The following AGRP variants were observed in gnomAD, a reference collection of about 807,000 sequenced individuals.
AGRP encodes the protein agouti related neuropeptide.
AGRP carries 8 observed loss-of-function variants against 13.6 expected under a neutral mutation model. The ratio of observed to expected loss-of-function variants is 0.59; its 90% CI spans 0.35 to 1.06. AGRP has a LOEUF of 1.06. AGRP is among the 50% of genes least tolerant of loss of function. AGRP has a pLI of 0.02. For synonymous variants in AGRP, 63 were observed against 72.4 expected, an observed-to-expected ratio of 0.87 and a Z score of 0.66; for missense variants, 155 against 174.8, an observed-to-expected ratio of 0.89 and a Z score of 0.64.
In AGRP at chr16:67,483,005, C is replaced by T; in HGVS notation, c.216+20G>A. On this transcript the variant is annotated intron_variant, in intron 3 of 3. Coordinates refer to ENST00000290953, the MANE Select transcript of AGRP (RefSeq NM_001138.2). Reference sequence around the variant, plus strand: ...CCCCTCCCAAGGGCCACCACCTTACCCTTTTCCCTGAGCAGTTACCTCTGC... The same window carrying T: ...CCCCTCCCAAGGGCCACCACCTTACTCTTTTCCCTGAGCAGTTACCTCTGC... 6.2e-7 allele frequency: 1 copy of T among 1,613,032 alleles called. No individual in the cohort carries two copies. The highest frequency in any genetic ancestry group is 8.5e-7 in the Non-Finnish European group (1 of 1,179,014).
chr16:67,483,527 G>T lies in AGRP; in HGVS notation c.-14C>A. 1 of 1,141,152 alleles carries T rather than the reference G, an allele frequency of 8.8e-7. No homozygotes were observed. The allele number at this position is 1,141,152 out of a possible 1,614,324, so 70.7% of individuals were successfully genotyped here. A position where few individuals can be genotyped will look rare whatever the true frequency, so the allele number is the denominator to read the frequency against. On this transcript the variant is annotated 5_prime_UTR_variant, in exon 1 of 4. Transcript: ENST00000290953. ...AACCTGAGGACTCACCTCTGCCTCC[G>T]GGATTCTTGCCTAGAGAGTTCCCGG... is the stretch of plus-strand genomic sequence containing the variant.
intron 3 of AGRP, 38 bp downstream of exon 3, chr16:67,482,987 C>T: frequency 6.2e-7 from 1 of 1,606,364 alleles, no homozygotes; most frequent in Non-Finnish European, 8.5e-7. Context: ...TGCCCCCTCC[C>T]AAGGGCCACC....
intron 1 of AGRP, 33 bp from the exon 2 acceptor site, chr16:67,483,434 C>G (rs761404617): frequency 1.7e-5 from 25 of 1,481,856 alleles, no homozygotes; most frequent in Non-Finnish European, 2.2e-5. Flanking sequence ...CACTTAGTCC[C>G]TCCTTATCCT....
rs748603132 is a variant in AGRP at position 67,482,827 on chromosome 16, G to C, written c.217-9C>G. On this transcript the variant is annotated splice_polypyrimidine_tract_variant and intron_variant, in intron 3 of 3. Transcript: ENST00000290953. ...TCCTGCAGGTCTAGTACCTGCAGGG[G>C]TGGGGAACCAGCACAGGCCTCTAAA... 6.2e-7 allele frequency: 1 copy of C among 1,613,734 alleles called. No homozygotes were observed. Among genetic ancestry groups the C allele is most frequent in the South Asian group, 1.1e-5 (1 of 91,078 alleles).
At chr16:67,482,842 A>G in intron 3 of AGRP, 24 bp from the exon 4 acceptor site, 1 of 1,613,176 alleles carries the variant, frequency 6.2e-7, no homozygotes, top group East Asian at 2.2e-5. Context: ...GAACCAGCAC[A>G]GGCCTCTAAA....
At position 67,482,610 on chromosome 16, in the gene AGRP, C is replaced by A; in HGVS notation, c.*26G>T. The A allele has an allele frequency of 6.2e-7, 1 of 1,613,912 alleles. No homozygotes were observed. Among genetic ancestry groups the A allele is most frequent in the East Asian group, 2.2e-5 (1 of 44,892 alleles). ...TTATTCGAGTTTCCTTGCCCCTACC[C>A]TAGCCCCGACCCTGACGTTGGCCAG... On this transcript the variant is annotated 3_prime_UTR_variant, in exon 4 of 4. Transcript: ENST00000290953.
Position 67,483,539 on chromosome 16 carries a change from T to G in AGRP, c.-26A>C. The stretch of plus-strand genomic sequence containing the variant: ...CACCTCTGCCTCCGGGATTCTTGCC[T>G]AGAGAGTTCCCGGCCACCCCGTGCC... On this transcript the variant is annotated 5_prime_UTR_variant, in exon 1 of 4. Transcript: ENST00000290953. 2 of 1,017,304 alleles carry G rather than the reference T, an allele frequency of 2.0e-6. No individual in the cohort carries two copies. The highest frequency in any genetic ancestry group is 2.7e-6 in the Non-Finnish European group (2 of 752,616). 63.0% of individuals were successfully genotyped at this position (1,017,304 alleles called of 1,614,324 possible).
rs766645961 is a variant in AGRP, at chr16:67,482,696, G to A, written c.339C>T (p.Phe113=). The A allele has an allele frequency of 6.8e-6, 11 of 1,614,200 alleles. No homozygotes were observed. Among genetic ancestry groups the A allele is most frequent in the Non-Finnish European group, 1.7e-6 (2 of 1,180,020 alleles). ...GCTTGCGGCAGTAGCAGAAGGCATT[G>A]AAGAAGCGGCAGTAGCACGTGGCAC... ...DPCATCYCRF[F]NAFCYCRKLG... The change falls in exon 4 of 4, where the codon TTC becomes TTT. Residue 113 remains phenylalanine (F), a synonymous_variant. Transcript: ENST00000290953.
In AGRP at chr16:67,483,498, GC is replaced by G; in HGVS notation, c.-4+18del. 1 of 1,333,902 alleles carries G rather than the reference GC, an allele frequency of 7.5e-7. No homozygotes were observed. Among genetic ancestry groups the G allele is most frequent in the Non-Finnish European group, 9.8e-7 (1 of 1,018,640 alleles). 82.6% of individuals were successfully genotyped at this position (1,333,902 alleles called of 1,614,324 possible). A position where few individuals can be genotyped will look rare whatever the true frequency, so the allele number is the denominator to read the frequency against. On this transcript the variant is annotated intron_variant, in intron 1 of 3. Transcript: ENST00000290953. ...GACCCCACAGAGAGGAGGAGTCCCT[GC>G]CCAACCTGAGGACTCACCTCTGCCT...
rs752398073 is a variant in AGRP, at chr16:67,482,618, G to A, written c.*18C>T. The A allele has an allele frequency of 6.8e-6, 11 of 1,613,922 alleles. No individual in the cohort carries two copies. Among genetic ancestry groups the A allele is most frequent in the Admixed American group, 6.7e-5 (4 of 60,000 alleles). ...GTTTCCTTGCCCCTACCCTAGCCCC[G>A]ACCCTGACGTTGGCCAGCTAGGTGC... On this transcript the variant is annotated 3_prime_UTR_variant, in exon 4 of 4. Transcript: ENST00000290953.
At position 67,483,168 on chromosome 16, in the gene AGRP, G is replaced by A. The variant is rs781147360; in HGVS notation, c.131-58C>T. On this transcript the variant is annotated intron_variant, in intron 2 of 3. Transcript: ENST00000290953. ...ATGCACAAAGCACCCACCTCCCAGG[G>A]GAGGGTTTGGGAAGGGAGAAAGAGG... 175 of 1,611,146 alleles carry A rather than the reference G, an allele frequency of 1.1e-4. 1 individual carries two copies. The highest frequency in any genetic ancestry group is 9.5e-5 in the Non-Finnish European group (112 of 1,178,006).
rs2041523660 is a variant in AGRP at position 67,483,125 on chromosome 16, G to A, written c.131-15C>T. ...CAGGCCCAGGCCTGGGGCAGAGGATGTGAGGGCAGGAACCCCCATGCACAA... is the reference window on the plus strand; with the variant it reads ...CAGGCCCAGGCCTGGGGCAGAGGATATGAGGGCAGGAACCCCCATGCACAA... On this transcript the variant is annotated splice_polypyrimidine_tract_variant and intron_variant, in intron 2 of 3. Coordinates refer to ENST00000290953, the MANE Select transcript of AGRP (RefSeq NM_001138.2). The A allele has an allele frequency of 6.2e-7, 1 of 1,613,568 alleles. No homozygotes were observed. The highest frequency in any genetic ancestry group is 8.5e-7 in the Non-Finnish European group (1 of 1,179,514).
In AGRP at chr16:67,483,421, T is replaced by C. The variant is rs2041531278; in HGVS notation, c.-3-20A>G. On this transcript the variant is annotated intron_variant, in intron 1 of 3. Coordinates refer to ENST00000290953, the MANE Select transcript of AGRP (RefSeq NM_001138.2). ...CATGGCCTGGCTCAGCAGGAAGATG[T>C]ACCACTTAGTCCCTCCTTATCCTTG... The C allele has an allele frequency of 6.7e-7, 1 of 1,500,428 alleles. No homozygotes were observed. Among genetic ancestry groups the C allele is most frequent in the East Asian group, 2.3e-5 (1 of 43,616 alleles). The allele number at this position is 1,500,428 out of a possible 1,614,324, so 92.9% of individuals were successfully genotyped here.
At position 67,482,921 on chromosome 16, in the gene AGRP, G is replaced by A. The variant is rs1056222717; in HGVS notation, c.217-103C>T. The A allele has an allele frequency of 5.6e-5, 88 of 1,566,116 alleles. 1 individual carries two copies. The East Asian group carries it at 1.2e-3, about 21-fold the overall frequency. On this transcript the variant is annotated intron_variant, in intron 3 of 3. Transcript: ENST00000290953. The stretch of plus-strand genomic sequence containing the variant: ...CAGTGGAGCATGGGAAGGGGTGGTC[G>A]GTAGTGTCGTCGCTGGTGAGGGAGT...
Position 67,483,286 on chromosome 16 carries a change from A to C in AGRP, c.113T>G (p.Leu38Arg), listed in dbSNP as rs1356203615. The C allele has an allele frequency of 6.3e-7, 1 of 1,588,740 alleles. No homozygotes were observed. The highest frequency in any genetic ancestry group is 8.6e-7 in the Non-Finnish European group (1 of 1,168,618). Residue 38 changes from leucine (L) to arginine (R), a missense_variant, in exon 2 of 4, where the codon CTG becomes CGG. By Grantham distance (102) the Leu-to-Arg change is moderately radical. Transcript: ENST00000290953. ...MEGIRRPDQALLPELPGLGLR... is the reference protein window; with the variant it reads ...MEGIRRPDQARLPELPGLGLR... ...ACACTGACCTGGGAGCTCTGGGAGCAGGGCCTGGTCAGGCCTTCTGATGCC... is the reference window on the plus strand; with the variant it reads ...ACACTGACCTGGGAGCTCTGGGAGCCGGGCCTGGTCAGGCCTTCTGATGCC...
In AGRP at chr16:67,483,252, C is replaced by G. The variant is rs1396734426; in HGVS notation, c.130+17G>C. On this transcript the variant is annotated intron_variant, in intron 2 of 3. Transcript: ENST00000290953. Reference sequence around the variant, plus strand: ...GGTATTCAGGCCCCGCCCAGTCCCACCCTTGCTCACACTGACCTGGGAGCT... The same window carrying G: ...GGTATTCAGGCCCCGCCCAGTCCCAGCCTTGCTCACACTGACCTGGGAGCT... 1.9e-6 allele frequency: 3 copies of G among 1,582,414 alleles called. No homozygotes were observed. The highest frequency in any genetic ancestry group is 2.6e-6 in the Non-Finnish European group (3 of 1,165,098).
In AGRP at chr16:67,483,270, TG is replaced by T; in HGVS notation, c.128del (p.Pro43GlnfsTer9). 1 of 1,483,878 alleles carries T rather than the reference TG, an allele frequency of 6.7e-7. No homozygotes were observed. Among genetic ancestry groups the T allele is most frequent in the Admixed American group, 1.9e-5 (1 of 53,348 alleles). The allele number at this position is 1,483,878 out of a possible 1,614,324, so 91.9% of individuals were successfully genotyped here. On this transcript the variant is annotated frameshift_variant and splice_region_variant, in exon 2 of 4. Coordinates refer to ENST00000290953, the MANE Select transcript of AGRP (RefSeq NM_001138.2). LOFTEE classifies it high-confidence loss of function. Reference protein sequence around the residue: ...RPDQALLPELPGLGLRAPLKK... With the variant: ...RPDQALLPELXGLGLRAPLKK... ...AGTCCCACCCTTGCTCACACTGACC[TG>T]GGAGCTCTGGGAGCAGGGCCTGGTC...
At chr16:67,482,998 AC>A in intron 3 of AGRP, 26 bp downstream of exon 3, 1 of 1,610,554 alleles carries the variant, frequency 6.2e-7, no homozygotes, top group Non-Finnish European at 8.5e-7. Flanking sequence ...AAGGGCCACC[AC>A]CTTACCCTTT....
At position 67,483,336 on chromosome 16, in the gene AGRP, G is replaced by A; in HGVS notation, c.63C>T (p.Ala21=). 6.4e-7 allele frequency: 1 copy of A among 1,561,644 alleles called. No homozygotes were observed. The highest frequency in any genetic ancestry group is 8.6e-7 in the Non-Finnish European group (1 of 1,156,550). The part of the protein sequence containing the change: ...LLLALPATRG[A]QMGLAPMEGI... ...CCTCCATGGGGGCCAAGCCCATCTGGGCTCCTCGCGTGGCAGGCAGTGCCA... is the reference window on the plus strand; with the variant it reads ...CCTCCATGGGGGCCAAGCCCATCTGAGCTCCTCGCGTGGCAGGCAGTGCCA... The change falls in exon 2 of 4, where the codon GCC becomes GCT. Residue 21 remains alanine, a synonymous_variant. Coordinates refer to ENST00000290953, the MANE Select transcript of AGRP (RefSeq NM_001138.2).
Sources: gnomAD v4.1 joint callset for allele counts on GRCh38, gnomAD v4.1.1 for gene constraint, MANE v1.5 for transcripts, NCBI Gene and HGNC (gene_info 2026-07-23, HGNC 2026-07-21) for gene names.